The following ROR1 variants were observed in gnomAD, a reference collection of about 807,000 sequenced individuals.
ROR1 encodes ROR family WNT receptor 1.
A neutral mutation model predicts 78.8 loss-of-function variants in ROR1; 19 were observed. The observed-to-expected ratio is 0.24, with a 90% CI of 0.17 to 0.35. The LOEUF is 0.35. Among genes scored for constraint, ROR1 ranks in the 10% least tolerant of loss-of-function variants. The probability of loss-of-function intolerance (pLI) is 1.00; values close to 1 mark genes in which losing one functional copy is unlikely to be tolerated. For missense variants in ROR1, 917 were observed against 1,177.8 expected, an observed-to-expected ratio of 0.78 and a Z score of 3.24; for synonymous variants, 386 against 433.6, an observed-to-expected ratio of 0.89 and a Z score of 1.36.
In ROR1 at chr1:64,009,346, T is replaced by A; in HGVS notation, c.133T>A (p.Ser45Thr). ...SVSAELVPTS[S>T]WNISSELNKD... The stretch of plus-strand genomic sequence containing the variant: ...CAGTGCTGAATTAGTGCCTACCTCA[T>A]CATGGAACATCTCAAGTGAACTCAA... Residue 45 changes from serine (S) to threonine (T), a missense_variant, in exon 2 of 9, where the codon TCA becomes ACA. This residue lies in a region of ROR1 where 63 missense variants were observed against 57.0 expected (regional missense o/e 1.10). Transcript: ENST00000371079. 6.2e-7 allele frequency: 1 copy of A among 1,613,812 alleles called. No individual in the cohort carries two copies. The highest frequency in any genetic ancestry group is 8.5e-7 in the Non-Finnish European group (1 of 1,179,774).
intron 4 of ROR1, among the ~76,000 whole-genome samples, chr1:64,075,245 C>G (rs1647039500): frequency 1.3e-5 from 2 of 152,138 alleles, no homozygotes; most frequent in Admixed American, 1.3e-4. Flanking sequence ...TTCAGAACAT[C>G]TAGAGAATAG....
At chr1:64,113,658 T>A (rs1648201209) in intron 4 of ROR1, 1 of 152,098 alleles carries the variant, frequency 6.6e-6, no homozygotes, top group Admixed American at 6.6e-5. Context: ...GTGTCTGATT[T>A]GGTAGCTTGG....
At chr1:63,925,444 T>C (rs1443676840) in intron 1 of ROR1, among the ~76,000 whole-genome samples, 2 of 152,124 alleles carry the variant, frequency 1.3e-5, no homozygotes, top group African/African-American at 2.4e-5. Context: ...TCCAAGTTTT[T>C]GCTATCGTGA....
intron 1 of ROR1, among the ~76,000 whole-genome samples, chr1:63,870,195 A>G (rs1375386430): frequency 4.6e-5 from 7 of 152,044 alleles, no homozygotes; most frequent in Admixed American, 4.6e-4. Flanking sequence ...TGTTCTCCCC[A>G]TTCTCCTCTC....
chr1:64,049,027 A>G (rs888043159), intron 2 of ROR1, among the ~76,000 whole-genome samples: 1 of 152,216 alleles, frequency 6.6e-6, no homozygotes, highest in Non-Finnish European at 1.5e-5. Context: ...TATATTGCAC[A>G]GTATTGTATA....
intron 4 of ROR1, among the ~76,000 whole-genome samples, chr1:64,114,323 T>G (rs1017397639): frequency 1.3e-5 from 2 of 152,204 alleles, no homozygotes; most frequent in Non-Finnish European, 2.9e-5. Flanking sequence ...GTTAATGCCC[T>G]TTTGATACTA....
chr1:63,934,071 G>A (rs898688622), intron 1 of ROR1, among the ~76,000 whole-genome samples: 4 of 152,164 alleles, frequency 2.6e-5, no homozygotes, highest in African/African-American at 7.2e-5. Flanking sequence ...GTTGGTGGTG[G>A]TGAGGAGGTA....
chr1:63,894,394 G>T (rs1645423361), intron 1 of ROR1, among the ~76,000 whole-genome samples: 1 of 152,156 alleles, frequency 6.6e-6, no homozygotes, highest in Non-Finnish European at 1.5e-5. Context: ...AAGTTTATAA[G>T]AGAAAGCAAT....
At chr1:64,113,583 G>C (rs1230000873) in intron 4 of ROR1, 1 of 152,054 alleles carries the variant, frequency 6.6e-6, no homozygotes, top group Non-Finnish European at 1.5e-5. Context: ...ATGTACTCGG[G>C]AAAAATGAGG....
intron 1 of ROR1, among the ~76,000 whole-genome samples, chr1:63,922,474 A>G (rs1170248365): frequency 6.6e-6 from 1 of 152,210 alleles, no homozygotes; most frequent in African/African-American, 2.4e-5. Context: ...AGGTTATTCC[A>G]GAGGTAGATA....
chr1:63,780,025 C>A (rs1022344727), intron 1 of ROR1, among the ~76,000 whole-genome samples: 4 of 152,186 alleles, frequency 2.6e-5, no homozygotes, highest in African/African-American at 9.7e-5. Flanking sequence ...TATAAAAAGG[C>A]TCTGCTTAAC....
chr1:64,048,165 C>T (rs749024559), intron 2 of ROR1, among the ~76,000 whole-genome samples: 1 of 152,220 alleles, frequency 6.6e-6, no homozygotes, highest in African/African-American at 2.4e-5. Flanking sequence ...CAATAAACTT[C>T]CATTAAATTC....
At chr1:64,099,842 G>A (rs2100655319) in intron 4 of ROR1, among the ~76,000 whole-genome samples, 1 of 151,802 alleles carries the variant, frequency 6.6e-6, no homozygotes, top group African/African-American at 2.4e-5. Context: ...GGATCACAAG[G>A]TCAAGAGTCC....
chr1:64,093,281 T>TA (rs1647219285), intron 4 of ROR1, among the ~76,000 whole-genome samples: 1 of 152,114 alleles, frequency 6.6e-6, no homozygotes, highest in Non-Finnish European at 1.5e-5. Context: ...ATAGATGACT[T>TA]AATGGGTTGC....
At chr1:64,108,063 TGTGTG>T (rs1647902423) in intron 4 of ROR1, among the ~76,000 whole-genome samples, 1 of 350 alleles carries the variant, frequency 2.9e-3, no homozygotes. Flanking sequence ...TTTCTTGTTG[TGTGTG>T]TGTGTGTGTG....
chr1:64,090,431 T>TA (rs1181272710), intron 4 of ROR1, among the ~76,000 whole-genome samples: 11 of 152,292 alleles, frequency 7.2e-5, no homozygotes, highest in Non-Finnish European at 1.5e-4. Flanking sequence ...GCCTTAATTG[T>TA]AAAAAAACTC....
In ROR1 at chr1:64,132,134, A is replaced by T. The variant is rs376968626; in HGVS notation, c.483-5235A>T. On this transcript the variant is annotated intron_variant, in intron 4 of 8. Transcript: ENST00000371079. ...AAGACTTACCTATTTTAAATATTTC[A>T]TATAAATGGGATCATACAATATGTG... Among the ~76,000 whole-genome samples the T allele has an allele frequency of 1.3e-4, 20 of 152,294 alleles. 1 individual carries two copies. The highest frequency in any genetic ancestry group is 9.2e-4 in the Admixed American group (14 of 15,292).
In ROR1 at chr1:64,153,104, T is replaced by C. The variant is rs373483676; in HGVS notation, c.1175-5877T>C. Among the ~76,000 whole-genome samples the C allele has an allele frequency of 1.6e-3, 248 of 152,178 alleles. 9 individuals carry two copies. In the South Asian group the frequency reaches 0.05, roughly 31 times the overall value. On this transcript the variant is annotated intron_variant, in intron 7 of 8. Transcript: ENST00000371079. ...GTTAAAGATTGGCCCGATTAAAAAG[T>C]GGGCAAAGGACTTGAATAGACATTC...
At chr1:63,805,700 C>T (rs562390030) in intron 1 of ROR1, among the ~76,000 whole-genome samples, 13 of 152,202 alleles carry the variant, frequency 8.5e-5, no homozygotes, top group South Asian at 6.2e-4. Flanking sequence ...ACTTGGGATC[C>T]GAGCATTCCA....
Sources: allele counts gnomAD v4.1 joint callset (sites outside exome capture counted in the v4.1 genomes callset), GRCh38; gene constraint gnomAD v4.1.1; regional missense constraint gnomAD v4.1.1; transcripts MANE v1.5; gene names NCBI Gene and HGNC (gene_info 2026-07-23, HGNC 2026-07-21).